NBR1: variants seen among roughly 807,000 people sequenced by gnomAD.
NBR1 encodes NBR1 autophagy cargo receptor.
A neutral mutation model predicts 115.5 loss-of-function variants in NBR1; 59 were observed. The ratio of observed to expected loss-of-function variants is 0.51; its 90% CI spans 0.41 to 0.63. The LOEUF (loss-of-function observed/expected upper bound fraction) is 0.63, where lower values mean the gene tolerates loss of function less well. Ranked by LOEUF, NBR1 falls within the 30% of genes least tolerant of loss-of-function variation. The pLI, the probability that NBR1 is intolerant of heterozygous loss-of-function variation, is 0.00. For synonymous variants in NBR1, 373 were observed against 414.7 expected (o/e 0.90, Z 1.22); for missense variants, 1,043 against 1,150.5 (o/e 0.91, Z 1.35).
In NBR1 at chr17:43,210,583, G is replaced by A. The variant is rs149362677; in HGVS notation, c.*509G>A. The A allele has an allele frequency of 1.1e-4, 45 of 398,474 alleles. No individual in the cohort carries two copies. The highest frequency in any genetic ancestry group is 1.9e-4 in the Non-Finnish European group (42 of 226,028). The allele number at this position is 398,474 out of a possible 1,614,324, so 24.7% of individuals were successfully genotyped here. On this transcript the variant is annotated 3_prime_UTR_variant, in exon 21 of 21. Transcript: ENST00000590996. Reference sequence around the variant, plus strand: ...ATAACACCCAGAGCATGATAGAAATGTTGTTACTCTTCCTCTCTCAAGGAG... The same window carrying A: ...ATAACACCCAGAGCATGATAGAAATATTGTTACTCTTCCTCTCTCAAGGAG...
At chr17:43,172,156 T>G (rs1456137255) in intron 1 of NBR1, among the ~76,000 whole-genome samples, 2 of 152,202 alleles carry the variant, frequency 1.3e-5, no homozygotes, top group Non-Finnish European at 2.9e-5. Flanking sequence ...GCTGAAGGCC[T>G]AAGACCCAGC....
At position 43,193,078 on chromosome 17, in the gene NBR1, C is replaced by A; in HGVS notation, c.1074-16C>A. On this transcript the variant is annotated splice_polypyrimidine_tract_variant and intron_variant, in intron 10 of 20. Transcript: ENST00000590996. ...CACCCAACAGCAAGTGACTAAGCAT[C>A]TGAATTTCTGTTCAGGCTCCCTTTG... 6.2e-7 allele frequency: 1 copy of A among 1,611,524 alleles called. No homozygotes were observed. Among genetic ancestry groups the A allele is most frequent in the South Asian group, 1.1e-5 (1 of 90,916 alleles).
At chr17:43,181,582 C>T (rs1002884895) in intron 5 of NBR1, among the ~76,000 whole-genome samples, 1 of 151,884 alleles carries the variant, frequency 6.6e-6, no homozygotes, top group African/African-American at 2.4e-5. Flanking sequence ...AGGAGAATGG[C>T]GTGAACCCCG....
chr17:43,209,983 G>A lies in NBR1; in HGVS notation c.2810G>A (p.Arg937Gln). ...MGFCDRQLNLRLLKKHNYNIL... is the reference protein window; with the variant it reads ...MGFCDRQLNLQLLKKHNYNIL... ...TTCTGTGACAGGCAGCTGAACCTAC[G>A]GCTGCTGAAGAAACACAATTACAAT... The change falls in exon 21 of 21, where the codon CGG becomes CAG. Residue 937 changes from arginine to glutamine, a missense_variant. Arg to Gln is a conservative substitution (Grantham distance 43, BLOSUM62 1). Transcript: ENST00000590996. The A allele has an allele frequency of 3.1e-6, 5 of 1,612,474 alleles. No individual in the cohort carries two copies. The highest frequency in any genetic ancestry group is 3.4e-6 in the Non-Finnish European group (4 of 1,179,400).
chr17:43,190,097 T>C, intron 8 of NBR1: 1 of 273,236 alleles, frequency 3.7e-6, no homozygotes, highest in South Asian at 5.0e-5. Context: ...AAATGCCTTT[T>C]TTTTTTTTTT....
At chr17:43,190,315 CT>C (rs1231738101) in intron 8 of NBR1, 1 of 400,192 alleles carries the variant, frequency 2.5e-6, no homozygotes, top group East Asian at 5.9e-5. Flanking sequence ...AAATGATCCT[CT>C]TCTCCATGGC....
At chr17:43,179,464 C>T (rs932688237) in intron 4 of NBR1, 52 bp downstream of exon 4, 94 of 1,497,330 alleles carry the variant, frequency 6.3e-5, no homozygotes, top group Non-Finnish European at 8.6e-5. Context: ...TTAATCTGCT[C>T]ATTGAGGCAT....
chr17:43,199,338 G>T (rs576185273), intron 16 of NBR1, among the ~76,000 whole-genome samples: 20 of 151,498 alleles, frequency 1.3e-4, no homozygotes, highest in African/African-American at 4.6e-4. Context: ...GCCTCCCAAC[G>T]TGCTGGGATT....
chr17:43,186,223 T>C (rs899692899), intron 5 of NBR1, 27 bp from the exon 6 acceptor site: 2 of 1,538,416 alleles, frequency 1.3e-6, no homozygotes, highest in African/African-American at 1.4e-5. Flanking sequence ...ACGTCGCATG[T>C]TTTTGTTTCA....
At chr17:43,173,392 A>G (rs544965688) in intron 1 of NBR1, among the ~76,000 whole-genome samples, 1 of 152,238 alleles carries the variant, frequency 6.6e-6, no homozygotes, top group South Asian at 2.1e-4. Flanking sequence ...GGTTCAAGCA[A>G]TTCTCCTGCC....
Position 43,189,783 on chromosome 17 carries a change from G to A in NBR1, c.676G>A (p.Gly226Ser). The A allele has an allele frequency of 1.2e-6, 2 of 1,613,774 alleles. No individual in the cohort carries two copies. Among genetic ancestry groups the A allele is most frequent in the Non-Finnish European group, 1.7e-6 (2 of 1,179,894 alleles). ...CAACAACTGCCAAAGAAGGATTGTT[G>A]GTGTCCGCTACCAGTGTAGGTAAGC... ...ACNNCQRRIV[G>S]VRYQCSLCPS... is the part of the protein sequence containing the mutation. Residue 226 changes from glycine to serine, a missense_variant, in exon 8 of 21, where the codon GGT becomes AGT. Transcript: ENST00000590996.
rs193246344 is a variant in NBR1, at chr17:43,192,269, G to T, written c.1073+688G>T. On this transcript the variant is annotated intron_variant, in intron 10 of 20. Transcript: ENST00000590996. The stretch of plus-strand genomic sequence containing the variant: ...AACTCCTGACCTCATGAATCCGCCC[G>T]CCTTGGCCTCCCAAAATGGTGAGAT... Among the ~76,000 whole-genome samples the T allele has an allele frequency of 2.7e-3, 413 of 152,124 alleles. 1 individual carries two copies. Among genetic ancestry groups the T allele is most frequent in the African/African-American group, 9.3e-3 (386 of 41,510 alleles).
chr17:43,188,053 G>T (rs2056860297), intron 6 of NBR1, among the ~76,000 whole-genome samples: 1 of 151,864 alleles, frequency 6.6e-6, no homozygotes, highest in African/African-American at 2.4e-5. Context: ...ACCACGCCTA[G>T]CTATTTTTTT....
Position 43,202,146 on chromosome 17 carries a change from C to T in NBR1, c.2563+366C>T, listed in dbSNP as rs376293991. On this transcript the variant is annotated intron_variant, in intron 18 of 20. Transcript: ENST00000590996. ...AGTGAGCCGAGATCGCACCATTGCT[C>T]TCCAGCCCGGGCAACAGTGCGAGAC... is the stretch of plus-strand genomic sequence containing the variant. Among the ~76,000 whole-genome samples the T allele has an allele frequency of 2.7e-5, 4 of 146,668 alleles. No individual in the cohort carries two copies. In the South Asian group the frequency reaches 8.6e-4, roughly 32 times the overall value.
chr17:43,174,002 A>G (rs1166274930), intron 1 of NBR1, among the ~76,000 whole-genome samples: 1 of 152,206 alleles, frequency 6.6e-6, no homozygotes, highest in Non-Finnish European at 1.5e-5. Context: ...TCCTTAATTA[A>G]AAACATAATG....
At chr17:43,204,582 G>A (rs1453447980) in intron 20 of NBR1, among the ~76,000 whole-genome samples, 4 of 151,586 alleles carry the variant, frequency 2.6e-5, no homozygotes, top group Non-Finnish European at 4.4e-5. Context: ...TTGGGAGGCC[G>A]AGGCAGGCCG....
At chr17:43,191,603 G>A in intron 10 of NBR1, 22 bp downstream of exon 10, 2 of 1,548,878 alleles carry the variant, frequency 1.3e-6, no homozygotes, top group Non-Finnish European at 8.7e-7. Flanking sequence ...ACTGGGGTGG[G>A]AGCCAAAACT....
intron 12 of NBR1, 144 bp from the exon 13 acceptor site, chr17:43,194,206 T>C: frequency 2.6e-6 from 2 of 783,642 alleles, no homozygotes; most frequent in Admixed American, 3.2e-5. Context: ...TTACAACTTT[T>C]TCTATAACTG....
rs756976484 is a variant in NBR1, at chr17:43,190,711, C to T, written c.798C>T (p.Ser266=). 1.9e-6 allele frequency: 3 copies of T among 1,613,982 alleles called. No homozygotes were observed. Among genetic ancestry groups the T allele is most frequent in the East Asian group, 4.5e-5 (2 of 44,884 alleles). The stretch of plus-strand genomic sequence containing the variant: ...AGTTGCGGAGACCTGTTGTGGGCTC[C>T]TCTGAACCGTTCTGTCACTCAAAGT... ...LLKLRRPVVG[S]SEPFCHSKYS... The change falls in exon 9 of 21, where the codon TCC becomes TCT. Residue 266 remains serine, a synonymous_variant. Coordinates refer to ENST00000590996, the MANE Select transcript of NBR1 (RefSeq NM_005899.5).
Sources: gnomAD v4.1 joint callset for allele counts (sites outside exome capture counted in the v4.1 genomes callset) on GRCh38, gnomAD v4.1.1 for gene constraint, MANE v1.5 for transcripts, NCBI Gene and HGNC (gene_info 2026-07-23, HGNC 2026-07-21) for gene names.